Variants in TM7SF3 observed in about 807,000 individuals in gnomAD.
TM7SF3 encodes the protein transmembrane 7 superfamily member 3.
TM7SF3 carries 60 observed loss-of-function variants against 65.5 expected under a neutral mutation model. The ratio of observed to expected loss-of-function variants is 0.92; its 90% confidence interval spans 0.74 to 1.14. The LOEUF (loss-of-function observed/expected upper bound fraction) is 1.14, where lower values mean the gene tolerates loss of function less well. Among genes scored for constraint, TM7SF3 ranks in the 50% most tolerant of loss-of-function variants. The pLI, the probability that TM7SF3 is intolerant of heterozygous loss-of-function variation, is 0.00. For missense variants in TM7SF3, 623 were observed against 684.8 expected, an observed-to-expected ratio of 0.91 and a Z score of 1.01; for synonymous variants, 264 against 259.6, an observed-to-expected ratio of 1.02 and a Z score of -0.16.
intron 1 of TM7SF3, among the ~76,000 whole-genome samples, chr12:27,005,814 T>C (rs1383560140): frequency 6.6e-6 from 1 of 152,160 alleles, no homozygotes; most frequent in Non-Finnish European, 1.5e-5. Flanking sequence ...ATTTTTTTTT[T>C]TTTTTGAGAT....
At chr12:26,975,712 T>C in intron 10 of TM7SF3, 54 bp from the exon 11 acceptor site, 1 of 1,576,542 alleles carries the variant, frequency 6.3e-7, no homozygotes, top group South Asian at 1.2e-5. Context: ...AAAAATAGTT[T>C]ATAACTCTCC....
At chr12:26,981,189 T>G (rs370865891) in intron 7 of TM7SF3, among the ~76,000 whole-genome samples, 3 of 152,238 alleles carry the variant, frequency 2.0e-5, no homozygotes, top group East Asian at 3.8e-4. Flanking sequence ...AGTATACAGA[T>G]AACTTTGTTC....
chr12:26,999,321 G>A lies in TM7SF3; in HGVS notation c.397+205C>T, dbSNP rs181416577. On this transcript the variant is annotated intron_variant, in intron 3 of 11. Coordinates refer to ENST00000343028, the MANE Select transcript of TM7SF3 (RefSeq NM_016551.3). ...TGAGGCAGGAGAATCGCTTGAACCC[G>A]GGAGGCAGAGGTTGCAGTGAGCCGA... Among the ~76,000 whole-genome samples, 354 of 152,062 alleles carry A rather than the reference G, an allele frequency of 2.3e-3. 2 individuals carry two copies. The highest frequency in any genetic ancestry group is 7.9e-3 in the African/African-American group (329 of 41,484).
chr12:27,006,625 A>G (rs1471594893), intron 1 of TM7SF3, among the ~76,000 whole-genome samples: 1 of 152,262 alleles, frequency 6.6e-6, no homozygotes, highest in Non-Finnish European at 1.5e-5. Flanking sequence ...AGCAAGTACA[A>G]TGTACAGAAA....
At chr12:26,985,532 C>T (rs571480039) in intron 6 of TM7SF3, among the ~76,000 whole-genome samples, 1 of 144,482 alleles carries the variant, frequency 6.9e-6, no homozygotes, top group Non-Finnish European at 1.5e-5. Flanking sequence ...GGCTGAGGTA[C>T]GTGAATTACT....
At chr12:26,977,852 C>G in intron 9 of TM7SF3, 1 of 274,600 alleles carries the variant, frequency 3.6e-6, no homozygotes. Context: ...CCTGTAATCC[C>G]AACACTTTGG....
intron 7 of TM7SF3, among the ~76,000 whole-genome samples, chr12:26,982,136 C>A (rs879344372): frequency 4.6e-5 from 7 of 152,074 alleles, no homozygotes; most frequent in African/African-American, 1.7e-4. Context: ...CGGGCTCAAG[C>A]AATCCTCCCA....
chr12:26,999,925 G>T, intron 2 of TM7SF3: 1 of 411,542 alleles, frequency 2.4e-6, no homozygotes, highest in Non-Finnish European at 4.4e-6. Flanking sequence ...CCACAGGTAA[G>T]GTGGTTATAA....
chr12:26,988,795 A>G (rs1940217545), intron 6 of TM7SF3, among the ~76,000 whole-genome samples: 1 of 151,682 alleles, frequency 6.6e-6, no homozygotes, highest in African/African-American at 2.4e-5. Flanking sequence ...TTTTTCAGTA[A>G]AAGTCACACT....
chr12:26,999,882 G>A (rs867030757), intron 2 of TM7SF3: 2 of 517,152 alleles, frequency 3.9e-6, no homozygotes, highest in East Asian at 3.1e-5. Flanking sequence ...AAAAATATAC[G>A]ATTGTCTTAG....
chr12:26,988,793 TAA>T (rs1258458866), intron 6 of TM7SF3, among the ~76,000 whole-genome samples: 1 of 151,574 alleles, frequency 6.6e-6, no homozygotes, highest in Non-Finnish European at 1.5e-5. Context: ...TTTTTTTCAG[TAA>T]AAGTCACACT....
In TM7SF3 at chr12:26,972,929, G is replaced by T. The variant is rs1206800753; in HGVS notation, c.*1036C>A. 6.6e-6 allele frequency among the ~76,000 whole-genome samples: 1 copy of T among 151,030 alleles called. No individual in the cohort carries two copies. Among genetic ancestry groups the T allele is most frequent in the East Asian group, 1.9e-4 (1 of 5,166 alleles). On this transcript the variant is annotated 3_prime_UTR_variant, in exon 12 of 12. Transcript: ENST00000343028. ...AAAATTCTATTATCTATATAAATTGGCCTATTTTCAAATAATAATTTAGCT... is the reference window on the plus strand; with the variant it reads ...AAAATTCTATTATCTATATAAATTGTCCTATTTTCAAATAATAATTTAGCT...
chr12:26,996,540 T>A (rs1362511669), intron 4 of TM7SF3, among the ~76,000 whole-genome samples: 1 of 151,856 alleles, frequency 6.6e-6, no homozygotes, highest in Non-Finnish European at 1.5e-5. Context: ...ATAAAAAGAG[T>A]TCACAAGAAT....
chr12:26,979,911 A>G lies in TM7SF3; in HGVS notation c.1062T>C (p.Thr354=). ...YDVNLILTAV[T]GSVGGMFLVA... ...CCAAGAACATTCCACCGACGCTTCC[A>G]GTGACAGCTGTCAGAATCAGATTCA... The change falls in exon 9 of 12, where the codon ACT becomes ACC. Residue 354 remains threonine (T), a synonymous_variant. Coordinates refer to ENST00000343028, the MANE Select transcript of TM7SF3 (RefSeq NM_016551.3). The G allele has an allele frequency of 2.5e-6, 4 of 1,614,186 alleles. No individual in the cohort carries two copies. The highest frequency in any genetic ancestry group is 3.4e-6 in the Non-Finnish European group (4 of 1,180,010).
At chr12:27,008,991 A>G (rs879680021) in intron 1 of TM7SF3, among the ~76,000 whole-genome samples, 127 of 152,314 alleles carry the variant, frequency 8.3e-4, no homozygotes, top group African/African-American at 2.9e-3. Context: ...CTTGTGCTCC[A>G]TAAGTTTATA....
At chr12:27,009,933 A>AT (rs1293523563) in intron 1 of TM7SF3, among the ~76,000 whole-genome samples, 7 of 152,026 alleles carry the variant, frequency 4.6e-5, no homozygotes, top group Admixed American at 3.3e-4. Context: ...CCATTGTACA[A>AT]TTTTTTTCAG....
chr12:26,988,672 TTGTGTGTGTG>T (rs147021582), intron 6 of TM7SF3, among the ~76,000 whole-genome samples: 24 of 146,322 alleles, frequency 1.6e-4, no homozygotes, highest in East Asian at 1.6e-3. Context: ...GAGAAGAAAA[TTGTGTGTGTG>T]TGTGTGTGTG....
intron 1 of TM7SF3, among the ~76,000 whole-genome samples, chr12:27,004,874 T>C (rs759512450): frequency 2.0e-5 from 3 of 152,176 alleles, no homozygotes; most frequent in Non-Finnish European, 4.4e-5. Flanking sequence ...CTATTTATGG[T>C]ACCAGAAAGA....
At chr12:27,012,754 C>T (rs1328359068) in intron 1 of TM7SF3, 5 of 455,924 alleles carry the variant, frequency 1.1e-5, no homozygotes, top group East Asian at 1.4e-4. Flanking sequence ...AATCCCAGCA[C>T]TCTGGGAGGC....
Sources: gnomAD v4.1 joint callset for allele counts (sites outside exome capture counted in the v4.1 genomes callset) on GRCh38, gnomAD v4.1.1 for gene constraint, MANE v1.5 for transcripts, NCBI Gene and HGNC (gene_info 2026-07-23, HGNC 2026-07-21) for gene names.